AOX1: variants seen among roughly 807,000 people sequenced by gnomAD.
The protein encoded by AOX1 is aldehyde oxidase 1.
In AOX1, 153 loss-of-function variants were observed where a neutral mutation model predicts 169.5. The observed-to-expected ratio is 0.90, with a 90% CI of 0.79 to 1.03. AOX1 has a LOEUF of 1.03. AOX1 is among the 50% of genes least tolerant of loss of function. AOX1 has a pLI of 0.00. For synonymous variants in AOX1, 562 were observed against 581.9 expected (o/e 0.97, Z 0.49); for missense variants, 1,656 against 1,663.9 (o/e 1.00, Z 0.08).
chr2:200,669,832 C>T, intron 34 of AOX1, 90 bp downstream of exon 34: 1 of 1,384,320 alleles, frequency 7.2e-7, no homozygotes, highest in Non-Finnish European at 9.9e-7. Flanking sequence ...GAACGCACTG[C>T]TGTGGCTTTT....
At position 200,603,282 on chromosome 2, in the gene AOX1, CAAAGT is replaced by C; in HGVS notation, c.519_523del (p.Ser173ArgfsTer18). The C allele has an allele frequency of 6.2e-7, 1 of 1,613,826 alleles. No homozygotes were observed. Among genetic ancestry groups the C allele is most frequent in the South Asian group, 1.1e-5 (1 of 91,068 alleles). ...TGTCCACTAGACTTCGGGCTGCTGT[CAAAGT>C]AAAGAAAATGGGGTTTGCTGTTTGG... On this transcript the variant is annotated frameshift_variant, in exon 7 of 35. Coordinates refer to ENST00000374700, the MANE Select transcript of AOX1 (RefSeq NM_001159.4). LOFTEE classifies it high-confidence loss of function.
intron 31 of AOX1, among the ~76,000 whole-genome samples, chr2:200,663,545 A>AACACACACAC (rs530782102): frequency 3.9e-4 from 46 of 117,810 alleles, no homozygotes; most frequent in African/African-American, 1.2e-3. Context: ...CATACACACA[A>AACACACACAC]ACACACACAC....
At chr2:200,619,288 A>G (rs1319368506) in intron 16 of AOX1, among the ~76,000 whole-genome samples, 3 of 152,134 alleles carry the variant, frequency 2.0e-5, no homozygotes, top group African/African-American at 7.2e-5. Flanking sequence ...GCTCAGGGTG[A>G]TCCTGTGAGC....
intron 4 of AOX1, 125 bp from the exon 5 acceptor site, chr2:200,599,495 G>A (rs748005891): frequency 4.3e-5 from 31 of 714,860 alleles, no homozygotes; most frequent in Non-Finnish European, 1.1e-5. Flanking sequence ...GGCTCCCAGG[G>A]GCCTCTGCTG....
downstream of AOX1, among the ~76,000 whole-genome samples, chr2:200,675,420 A>G (rs1489342371): frequency 1.3e-5 from 2 of 152,216 alleles, no homozygotes; most frequent in African/African-American, 4.8e-5. Flanking sequence ...ATGAACTGTC[A>G]TTTCTCCCAC....
rs186410034 is a variant in AOX1 at position 200,606,032 on chromosome 2, T to C, written c.907+404T>C. On this transcript the variant is annotated intron_variant, in intron 10 of 34. Coordinates refer to ENST00000374700, the MANE Select transcript of AOX1 (RefSeq NM_001159.4). ...TTTTGGCTTTTGCTGCAATTGCTTT[T>C]AGTGTTTTAGTCATGAAGTCTTTGC... is the stretch of plus-strand genomic sequence containing the variant. Among the ~76,000 whole-genome samples, 52 of 152,340 alleles carry C rather than the reference T, an allele frequency of 3.4e-4. No homozygotes were observed. In the East Asian group the frequency reaches 9.6e-3, roughly 28 times the overall value.
intron 25 of AOX1, among the ~76,000 whole-genome samples, chr2:200,644,690 T>A (rs1048324063): frequency 2.2e-4 from 33 of 152,246 alleles, no homozygotes; most frequent in African/African-American, 8.0e-4. Flanking sequence ...GAGCATGGGA[T>A]GTGTTTCCAT....
At chr2:200,665,317 CAGG>C (rs2035905596) in intron 31 of AOX1, among the ~76,000 whole-genome samples, 2 of 152,294 alleles carry the variant, frequency 1.3e-5, no homozygotes, top group Admixed American at 1.3e-4. Flanking sequence ...ATGTGAATAC[CAGG>C]AGGTGAGGAT....
downstream of AOX1, chr2:200,681,464 A>G (rs1040068996): frequency 3.9e-5 from 6 of 152,698 alleles, no homozygotes; most frequent in African/African-American, 1.2e-4. Context: ...AACTCTCCAC[A>G]GAGCAATTAA....
chr2:200,680,586 C>T (rs1227317448), downstream of AOX1, among the ~76,000 whole-genome samples: 1 of 152,128 alleles, frequency 6.6e-6, no homozygotes, highest in East Asian at 1.9e-4. Context: ...TGCTCTGTTG[C>T]CCAGGCTGGA....
At chr2:200,602,891 A>G (rs577009452) in intron 6 of AOX1, among the ~76,000 whole-genome samples, 1 of 152,332 alleles carries the variant, frequency 6.6e-6, no homozygotes, top group South Asian at 2.1e-4. Flanking sequence ...AAGTTAAACA[A>G]TGAATTCAGT....
chr2:200,594,889 T>A (rs142105918), intron 2 of AOX1, among the ~76,000 whole-genome samples: 276 of 152,344 alleles, frequency 1.8e-3, no homozygotes, highest in African/African-American at 6.0e-3. Context: ...CCAAGCATTA[T>A]CTACAATTTA....
At chr2:200,665,646 G>C (rs925824571) in intron 31 of AOX1, among the ~76,000 whole-genome samples, 1 of 152,122 alleles carries the variant, frequency 6.6e-6, no homozygotes, top group Non-Finnish European at 1.5e-5. Context: ...TGGCCAAGCT[G>C]GTCTCAAACT....
At chr2:200,631,027 G>C (rs1559246571) in intron 20 of AOX1, among the ~76,000 whole-genome samples, 1 of 152,064 alleles carries the variant, frequency 6.6e-6, no homozygotes, top group Non-Finnish European at 1.5e-5. Flanking sequence ...AAAGAAAGAA[G>C]ATAGGTGTTC....
intron 5 of AOX1, 74 bp from the exon 6 acceptor site, chr2:200,602,210 T>A: frequency 7.9e-7 from 1 of 1,265,456 alleles, no homozygotes; most frequent in Middle Eastern, 1.9e-4. Flanking sequence ...GGGTCCTCAT[T>A]TCCATCACAC....
chr2:200,612,541 A>G, intron 13 of AOX1, 68 bp from the exon 14 acceptor site: 2 of 1,522,948 alleles, frequency 1.3e-6, no homozygotes, highest in Non-Finnish European at 1.8e-6. Context: ...TACTCAAGAC[A>G]CACAGACTGC....
At chr2:200,620,199 CTT>C (rs34887452) in intron 16 of AOX1, among the ~76,000 whole-genome samples, 26,812 of 130,184 alleles carry the variant, frequency 0.21, 2,445 homozygotes, top group East Asian at 0.41. Flanking sequence ...TTAATAGTGA[CTT>C]TTTTTTTTTT....
intron 16 of AOX1, among the ~76,000 whole-genome samples, chr2:200,618,567 C>T (rs2034817240): frequency 6.6e-6 from 1 of 152,118 alleles, no homozygotes; most frequent in Non-Finnish European, 1.5e-5. Context: ...TGAACATGTT[C>T]TGAAATAACA....
rs762423070 is a variant in AOX1, at chr2:200,612,647, G to A, written c.1302G>A (p.Gln434=). The A allele has an allele frequency of 2.0e-5, 32 of 1,613,976 alleles. No homozygotes were observed. The highest frequency in any genetic ancestry group is 2.5e-5 in the Non-Finnish European group (30 of 1,180,006). ...CAGCCTTCCGACAAGCCCAGCGACAGGAGAATGCGCTAGCGATAGTCAATT... is the reference window on the plus strand; with the variant it reads ...CAGCCTTCCGACAAGCCCAGCGACAAGAGAATGCGCTAGCGATAGTCAATT... ...FVSAFRQAQR[Q]ENALAIVNSG... is the part of the protein sequence containing the mutation. The change falls in exon 14 of 35, where the codon CAG becomes CAA. Residue 434 remains glutamine, a synonymous_variant. Coordinates refer to ENST00000374700, the MANE Select transcript of AOX1 (RefSeq NM_001159.4).
Sources: allele counts gnomAD v4.1 joint callset (sites outside exome capture counted in the v4.1 genomes callset), GRCh38; gene constraint gnomAD v4.1.1; transcripts MANE v1.5; gene names NCBI Gene and HGNC (gene_info 2026-07-23, HGNC 2026-07-21).